The following RASGRF2 variants were observed in gnomAD, a reference collection of about 807,000 sequenced individuals.
The protein encoded by RASGRF2 is Ras protein specific guanine nucleotide releasing factor 2.
In RASGRF2, 76 loss-of-function variants were observed where a neutral mutation model predicts 151.0. That is an observed-to-expected ratio of 0.50 (90% confidence interval 0.42 to 0.61). RASGRF2 has a LOEUF of 0.61. Ranked by LOEUF, RASGRF2 falls within the 20% of genes least tolerant of loss-of-function variation. The pLI is 0.00. For synonymous variants in RASGRF2, 504 were observed against 566.5 expected, an observed-to-expected ratio of 0.89 and a Z score of 1.57; for missense variants, 1,148 against 1,564.6, an observed-to-expected ratio of 0.73 and a Z score of 4.49.
chr5:81,073,081 A>G (rs755601501), intron 4 of RASGRF2, 118 bp from the exon 5 acceptor site: 16 of 1,260,890 alleles, frequency 1.3e-5, no homozygotes, highest in Non-Finnish European at 1.5e-5. Context: ...ATCCTTATCA[A>G]TTTTAGAGGT....
chr5:81,217,121 A>C (rs1242823732), intron 24 of RASGRF2: 2 of 528,924 alleles, frequency 3.8e-6, no homozygotes. Context: ...TGTTGTTTGA[A>C]TATGCCATTT....
chr5:81,130,155 T>C (rs1753578926), intron 17 of RASGRF2, among the ~76,000 whole-genome samples: 1 of 152,238 alleles, frequency 6.6e-6, no homozygotes, highest in African/African-American at 2.4e-5. Context: ...GCGAGCTGGC[T>C]CCTGGTGGTG....
chr5:81,076,655 G>A (rs1430691108), intron 5 of RASGRF2, among the ~76,000 whole-genome samples: 1 of 151,638 alleles, frequency 6.6e-6, no homozygotes, highest in Non-Finnish European at 1.5e-5. Context: ...CTAGGGCAGG[G>A]AAGGATTAGT....
intron 18 of RASGRF2, among the ~76,000 whole-genome samples, chr5:81,188,845 G>A (rs148319088): frequency 5.3e-5 from 8 of 152,216 alleles, no homozygotes; most frequent in East Asian, 3.9e-4. Flanking sequence ...AGTTTTTGCC[G>A]GGAACCCCCA....
intron 4 of RASGRF2, among the ~76,000 whole-genome samples, chr5:81,072,847 C>T (rs1037948079): frequency 3.9e-5 from 6 of 152,034 alleles, no homozygotes; most frequent in East Asian, 1.9e-4. Flanking sequence ...CCAGCTCTGT[C>T]GGTTATTTTA....
rs564233352 is a variant in RASGRF2 at position 81,212,265 on chromosome 5, AC to A, written c.3157-98del. ...GAATATGATCTTCAAGCTACTCAAC[AC>A]CCTGCCTTCCTGACAGGTCTGCAGA... On this transcript the variant is annotated intron_variant, in intron 22 of 26. Transcript: ENST00000265080. 2.5e-5 allele frequency: 19 copies of A among 769,006 alleles called. No individual in the cohort carries two copies. The South Asian group carries it at 3.6e-4, about 14-fold the overall frequency. 47.6% of individuals were successfully genotyped at this position (769,006 alleles called of 1,614,324 possible).
intron 2 of RASGRF2, among the ~76,000 whole-genome samples, chr5:81,061,675 A>G (rs1449064954): frequency 6.6e-6 from 1 of 151,490 alleles, no homozygotes; most frequent in Non-Finnish European, 1.5e-5. Flanking sequence ...CACCCAGCTA[A>G]TTTATTTCCT....
chr5:81,109,101 T>G (rs367573199), intron 13 of RASGRF2, 23 bp downstream of exon 13: 107 of 1,594,752 alleles, frequency 6.7e-5, no homozygotes, highest in Non-Finnish European at 8.1e-5. Flanking sequence ...ATCCTTTCCT[T>G]TACATTTTAA....
chr5:81,140,857 C>T (rs1439548426), intron 17 of RASGRF2, among the ~76,000 whole-genome samples: 3 of 152,146 alleles, frequency 2.0e-5, no homozygotes, highest in African/African-American at 7.2e-5. Flanking sequence ...TCATCCATGT[C>T]AGGGCCAGGC....
intron 22 of RASGRF2, among the ~76,000 whole-genome samples, chr5:81,211,868 G>A (rs926169071): frequency 6.6e-6 from 1 of 152,198 alleles, no homozygotes; most frequent in Admixed American, 6.5e-5. Flanking sequence ...AAGTGATTCT[G>A]GTTTGAGAGT....
intron 1 of RASGRF2, among the ~76,000 whole-genome samples, chr5:80,971,336 T>C (rs1310052152): frequency 6.6e-6 from 1 of 152,238 alleles, no homozygotes; most frequent in Non-Finnish European, 1.5e-5. Flanking sequence ...AAGTAAGTAC[T>C]CTTTCATGTT....
At chr5:81,065,443 C>G (rs1751573438) in intron 2 of RASGRF2, among the ~76,000 whole-genome samples, 1 of 152,136 alleles carries the variant, frequency 6.6e-6, no homozygotes, top group Admixed American at 6.5e-5. Context: ...AGTCCAGCTC[C>G]TTCATTAGAG....
chr5:81,200,272 TA>T (rs559961232), intron 18 of RASGRF2, among the ~76,000 whole-genome samples: 15,439 of 138,116 alleles, frequency 0.11, 834 homozygotes, highest in Middle Eastern at 0.19. Context: ...CCCTGTGATT[TA>T]AAAAAAAAAA....
At position 81,113,853 on chromosome 5, in the gene RASGRF2, G is replaced by T. The variant is rs373691552; in HGVS notation, c.2403G>T (p.Thr801=). 7.4e-6 allele frequency: 12 copies of T among 1,614,182 alleles called. No individual in the cohort carries two copies. Among genetic ancestry groups the T allele is most frequent in the Non-Finnish European group, 5.1e-6 (6 of 1,180,018 alleles). ...CTTCTCCAGAGCAAAGCCCGGGAACGGTAGAAGAGAATGTCGATAACCCAC... is the reference window on the plus strand; with the variant it reads ...CTTCTCCAGAGCAAAGCCCGGGAACTGTAGAAGAGAATGTCGATAACCCAC... ...GLSSPEQSPG[T]VEENVDNPRV... The change falls in exon 15 of 27, where the codon ACG becomes ACT. Residue 801 remains threonine (T), a synonymous_variant. Coordinates refer to ENST00000265080, the MANE Select transcript of RASGRF2 (RefSeq NM_006909.3).
At chr5:81,015,624 A>G (rs927231815) in intron 1 of RASGRF2, among the ~76,000 whole-genome samples, 8 of 151,626 alleles carry the variant, frequency 5.3e-5, no homozygotes, top group Admixed American at 3.9e-4. Context: ...GCTTTTTCCT[A>G]TTGATTTTGA....
chr5:81,087,048 G>C (rs1752253148), intron 9 of RASGRF2, 95 bp downstream of exon 9: 2 of 1,167,900 alleles, frequency 1.7e-6, no homozygotes, highest in Admixed American at 1.7e-5. Flanking sequence ...CAGGCGTGAC[G>C]GGTGCGGTGC....
At position 81,158,403 on chromosome 5, in the gene RASGRF2, T is replaced by G. The variant is rs145339777; in HGVS notation, c.2687-21772T>G. Among the ~76,000 whole-genome samples the G allele has an allele frequency of 9.9e-3, 1,509 of 152,216 alleles. 15 individuals are homozygous for G. Among genetic ancestry groups the G allele is most frequent in the Middle Eastern group, 0.095 (28 of 294 alleles). ...TAGTGGATTGGGTTGGGCAAAAATT[T>G]TTTACATACAACACCAAAAGCAAGA... On this transcript the variant is annotated intron_variant, in intron 17 of 26. Transcript: ENST00000265080.
intron 1 of RASGRF2, among the ~76,000 whole-genome samples, chr5:81,027,436 C>T (rs569702607): frequency 9.1e-4 from 139 of 152,272 alleles, no homozygotes; most frequent in African/African-American, 3.2e-3. Flanking sequence ...TAAAAAAACT[C>T]CTCACCCATT....
chr5:81,058,344 A>G (rs938531972), intron 2 of RASGRF2, among the ~76,000 whole-genome samples: 1 of 152,206 alleles, frequency 6.6e-6, no homozygotes, highest in Admixed American at 6.5e-5. Flanking sequence ...ATTTAATCAC[A>G]TAAGATATGT....
Sources: gnomAD v4.1 joint callset for allele counts (sites outside exome capture counted in the v4.1 genomes callset) on GRCh38, gnomAD v4.1.1 for gene constraint, MANE v1.5 for transcripts, NCBI Gene and HGNC (gene_info 2026-07-23, HGNC 2026-07-21) for gene names.